SLC26A5: variants seen among roughly 807,000 people sequenced by gnomAD.
The protein encoded by SLC26A5 is solute carrier family 26 member 5.
In SLC26A5, 51 loss-of-function variants were observed where a neutral mutation model predicts 81.0. The observed-to-expected ratio is 0.63, with a 90% CI of 0.50 to 0.80. The LOEUF (loss-of-function observed/expected upper bound fraction) is 0.80, where lower values mean the gene tolerates loss of function less well. Among genes scored for constraint, SLC26A5 ranks in the 30% least tolerant of loss-of-function variants. The pLI, the probability that SLC26A5 is intolerant of heterozygous loss-of-function variation, is 0.00. For missense variants in SLC26A5, 771 were observed against 905.8 expected, an observed-to-expected ratio of 0.85 and a Z score of 1.91; for synonymous variants, 325 against 332.8, an observed-to-expected ratio of 0.98 and a Z score of 0.25.
chr7:103,407,862 C>G lies in SLC26A5; in HGVS notation c.877G>C (p.Glu293Gln), dbSNP rs758210678. 1 of 1,614,108 alleles carries G rather than the reference C, an allele frequency of 6.2e-7. No homozygotes were observed. The highest frequency in any genetic ancestry group is 8.5e-7 in the Non-Finnish European group (1 of 1,179,990). Reference sequence around the variant, plus strand: ...CGAAGGTGACTTACCGCAAAGAACTCTAAAGGAATAGGCGCCGGCAATTTC... The same window carrying G: ...CGAAGGTGACTTACCGCAAAGAACTGTAAAGGAATAGGCGCCGGCAATTTC... ...KEKLPAPIPLEFFAVVMGTGI... is the reference protein window; with the variant it reads ...KEKLPAPIPLQFFAVVMGTGI... Residue 293 changes from glutamate (E) to glutamine (Q), a missense_variant, in exon 8 of 20, where the codon GAG becomes CAG. Coordinates refer to ENST00000306312, the MANE Select transcript of SLC26A5 (RefSeq NM_198999.3).
intron 14 of SLC26A5, among the ~76,000 whole-genome samples, chr7:103,381,972 A>G (rs991192648): frequency 6.6e-6 from 1 of 151,822 alleles, no homozygotes. Context: ...CTCACACCAC[A>G]TTCACGATGC....
intron 19 of SLC26A5, among the ~76,000 whole-genome samples, chr7:103,366,319 T>C (rs1820716667): frequency 6.6e-6 from 1 of 152,264 alleles, no homozygotes; most frequent in Non-Finnish European, 1.5e-5. Flanking sequence ...GTAGTAGTGC[T>C]AAACTATAAA....
chr7:103,396,620 A>G (rs1823131792), intron 9 of SLC26A5, among the ~76,000 whole-genome samples: 2 of 152,230 alleles, frequency 1.3e-5, no homozygotes, highest in African/African-American at 4.8e-5. Context: ...AGGCATCTAG[A>G]GAAGTCAAAT....
At chr7:103,365,838 G>A (rs1373442747) in intron 19 of SLC26A5, among the ~76,000 whole-genome samples, 1 of 152,018 alleles carries the variant, frequency 6.6e-6, no homozygotes, top group Admixed American at 6.6e-5. Flanking sequence ...TGAGGTAGGG[G>A]AATCGCTTGA....
intron 19 of SLC26A5, chr7:103,366,102 T>C: frequency 1.2e-6 from 2 of 1,614,050 alleles, no homozygotes; most frequent in Non-Finnish European, 1.7e-6. Flanking sequence ...GTGAACTCTT[T>C]GAAATGGCCA....
intron 14 of SLC26A5, among the ~76,000 whole-genome samples, chr7:103,385,579 C>T (rs1413752527): frequency 6.6e-6 from 1 of 152,070 alleles, no homozygotes; most frequent in Non-Finnish European, 1.5e-5. Flanking sequence ...ATCTCCTAAA[C>T]TCTAACATAC....
In SLC26A5 at chr7:103,378,504, C is replaced by T. The variant is rs762984175; in HGVS notation, c.1727G>A (p.Arg576Gln). The T allele has an allele frequency of 9.9e-6, 16 of 1,614,028 alleles. No homozygotes were observed. Among genetic ancestry groups the T allele is most frequent in the South Asian group, 4.4e-5 (4 of 91,080 alleles). ...VIMGARRKAM[R>Q]KYAKEVGNAN... ...ATTTCCGACTTCCTTAGCGTACTTC[C>T]GCATGGCCTTTCTCCTTGCTCCCAT... The change falls in exon 17 of 20, where the codon CGG (arginine) becomes CAG (glutamine). Residue 576 changes from arginine (R) to glutamine (Q), a missense_variant. Physicochemically the swap from Arg to Gln is conservative, Grantham distance 43. Coordinates refer to ENST00000306312, the MANE Select transcript of SLC26A5 (RefSeq NM_198999.3).
intron 19 of SLC26A5, 143 bp downstream of exon 19, chr7:103,376,665 C>A: frequency 1.6e-6 from 1 of 644,488 alleles, no homozygotes; most frequent in Non-Finnish European, 2.6e-6. Flanking sequence ...AATTTCAAAG[C>A]TGGCTTTAGA....
In SLC26A5 at chr7:103,412,542, G is replaced by GTTTTT. The variant is rs1244758241; in HGVS notation, c.403+455_403+459dup. ...TTCTAGAAATCTTGGGAGGAGTGTAGTTTTTTTTTTGTTTTTTTTTTTTTT... is the reference window on the plus strand; with the variant it reads ...TTCTAGAAATCTTGGGAGGAGTGTAGTTTTTTTTTTTTTTTGTTTTTTTTTTTTTT... On this transcript the variant is annotated intron_variant, in intron 5 of 19. Coordinates refer to ENST00000306312, the MANE Select transcript of SLC26A5 (RefSeq NM_198999.3). Among the ~76,000 whole-genome samples, 36 of 121,638 alleles carry GTTTTT rather than the reference G, an allele frequency of 3.0e-4. 1 individual carries two copies. Among genetic ancestry groups the GTTTTT allele is most frequent in the African/African-American group, 6.4e-4 (17 of 26,654 alleles). The allele number at this position is 121,638 out of a possible 152,430, so 79.8% of individuals were successfully genotyped here.
chr7:103,377,865 T>C (rs1217142920), intron 17 of SLC26A5, 66 bp from the exon 18 acceptor site: 2 of 1,481,000 alleles, frequency 1.4e-6, no homozygotes, highest in East Asian at 4.5e-5. Flanking sequence ...GTGAGAAAGA[T>C]TTATAATGGA....
At chr7:103,421,679 C>T in intron 2 of SLC26A5, 112 bp from the exon 3 acceptor site, 4 of 692,008 alleles carry the variant, frequency 5.8e-6, no homozygotes, top group Non-Finnish European at 1.0e-5. Context: ...TCTTTGGACG[C>T]CCCAGAGGAC....
intron 2 of SLC26A5, among the ~76,000 whole-genome samples, chr7:103,425,044 C>G (rs1452818828): frequency 6.6e-6 from 1 of 152,164 alleles, no homozygotes; most frequent in Non-Finnish European, 1.5e-5. Context: ...CACTAGGTAT[C>G]TTTATCTTTA....
chr7:103,367,922 A>G lies in SLC26A5; in HGVS notation c.2041+8886T>C. On this transcript the variant is annotated intron_variant, in intron 19 of 19. Coordinates refer to the SLC26A5 transcript ENST00000339444. The surrounding 1 kb of genome is among the most constrained non-coding windows in gnomAD (Gnocchi z 6.1). ...GTGCTGAGATTAGAAGCGTCTGCACAGAGGCTGGTATGTTTGCCATCAGAG... is the reference window on the plus strand; with the variant it reads ...GTGCTGAGATTAGAAGCGTCTGCACGGAGGCTGGTATGTTTGCCATCAGAG... 6.2e-7 allele frequency: 1 copy of G among 1,614,038 alleles called. No individual in the cohort carries two copies. Among genetic ancestry groups the G allele is most frequent in the Non-Finnish European group, 8.5e-7 (1 of 1,179,994 alleles).
chr7:103,407,563 G>A (rs1316272788), intron 8 of SLC26A5, among the ~76,000 whole-genome samples: 1 of 152,048 alleles, frequency 6.6e-6, no homozygotes, highest in East Asian at 1.9e-4. Flanking sequence ...AAAACAATTA[G>A]CCAATAAAAA....
chr7:103,364,850 G>A (rs952012134), intron 19 of SLC26A5, among the ~76,000 whole-genome samples: 1 of 151,506 alleles, frequency 6.6e-6, no homozygotes, highest in East Asian at 1.9e-4. Context: ...GCTTTTCTAC[G>A]GAAATGCCTG....
intron 19 of SLC26A5, among the ~76,000 whole-genome samples, chr7:103,361,577 C>T (rs991504310): frequency 1.3e-5 from 2 of 150,098 alleles, no homozygotes; most frequent in African/African-American, 4.9e-5. Context: ...GAATGAAAAC[C>T]CATTTATTAC....
chr7:103,382,032 C>T (rs1007557672), intron 14 of SLC26A5, among the ~76,000 whole-genome samples: 1 of 152,066 alleles, frequency 6.6e-6, no homozygotes, highest in African/African-American at 2.4e-5. Flanking sequence ...ACCACAAACA[C>T]GATCTGGTCA....
At chr7:103,435,919 T>C (rs1826417997) in intron 2 of SLC26A5, among the ~76,000 whole-genome samples, 1 of 152,194 alleles carries the variant, frequency 6.6e-6, no homozygotes, top group African/African-American at 2.4e-5. Context: ...GCTTGGCCTG[T>C]CATCTTTAAC....
downstream of SLC26A5, among the ~76,000 whole-genome samples, chr7:103,371,897 A>G (rs568226918): frequency 1.5e-4 from 23 of 151,742 alleles, no homozygotes; most frequent in East Asian, 4.5e-3. Flanking sequence ...GGGTTTCACC[A>G]TGATGGCCAG....
Sources: gnomAD v4.1 joint callset for allele counts (sites outside exome capture counted in the v4.1 genomes callset) on GRCh38, gnomAD v4.1.1 for gene constraint, Gnocchi (gnomAD v3.1) non-coding constraint, MANE v1.5 for transcripts, NCBI Gene and HGNC (gene_info 2026-07-23, HGNC 2026-07-21) for gene names.